The following PMS1 variants were observed in gnomAD, a reference collection of about 807,000 sequenced individuals.
PMS1 encodes the protein PMS1 homolog 1, mismatch repair system component.
Under a neutral mutation model 93.1 loss-of-function variants are expected in PMS1, and 79 were observed. The observed-to-expected ratio is 0.85, with a 90% CI of 0.71 to 1.02. The LOEUF (loss-of-function observed/expected upper bound fraction) is 1.02, where lower values mean the gene tolerates loss of function less well. Ranked by LOEUF, PMS1 falls within the 50% of genes least tolerant of loss-of-function variation. The probability of loss-of-function intolerance (pLI) is 0.00; values close to 1 mark genes in which losing one functional copy is unlikely to be tolerated. For synonymous variants in PMS1, 335 were observed against 363.4 expected (o/e 0.92, Z 0.89); for missense variants, 1,064 against 1,085.3 (o/e 0.98, Z 0.28).
At chr2:189,851,059 G>C (rs1251440368) in intron 6 of PMS1, among the ~76,000 whole-genome samples, 1 of 152,078 alleles carries the variant, frequency 6.6e-6, no homozygotes, top group Non-Finnish European at 1.5e-5. Context: ...GCACTGATTT[G>C]GTGTCTCAAG....
chr2:189,835,822 G>C (rs1177323900), intron 5 of PMS1, among the ~76,000 whole-genome samples: 1 of 151,332 alleles, frequency 6.6e-6, no homozygotes, highest in Admixed American at 6.6e-5. Context: ...CAGCTAATCG[G>C]GAGGCTGAGG....
At chr2:189,806,415 T>C (rs558545667) in intron 4 of PMS1, 5 of 321,810 alleles carry the variant, frequency 1.6e-5, no homozygotes, top group African/African-American at 1.1e-4. Flanking sequence ...TTTATTTTCC[T>C]GAGACAGGGT....
At chr2:189,844,948 C>T (rs1011859111) in intron 6 of PMS1, among the ~76,000 whole-genome samples, 6 of 151,908 alleles carry the variant, frequency 3.9e-5, no homozygotes, top group African/African-American at 1.5e-4. Context: ...GCCTCCATCT[C>T]CTGGGTTCAA....
intron 1 of PMS1, among the ~76,000 whole-genome samples, chr2:189,790,674 G>A (rs918270329): frequency 1.3e-5 from 2 of 152,230 alleles, no homozygotes; most frequent in South Asian, 2.1e-4. Context: ...TATGTAAAGT[G>A]TTTAGCATAC....
At chr2:189,804,775 G>A (rs2050189554) in intron 3 of PMS1, among the ~76,000 whole-genome samples, 1 of 152,052 alleles carries the variant, frequency 6.6e-6, no homozygotes, top group Admixed American at 6.6e-5. Flanking sequence ...TCAGCTCTTC[G>A]TATAAAGATG....
chr2:189,790,794 T>G lies in PMS1; in HGVS notation c.-20-996T>G, dbSNP rs903753875. On this transcript the variant is annotated intron_variant, in intron 1 of 12. Coordinates refer to ENST00000441310, the MANE Select transcript of PMS1 (RefSeq NM_000534.5). Reference sequence around the variant, plus strand: ...GAGTCATTGAGGCTAATTAGGAAATTATATTGGGAACTAAATGTGAGAAAT... The same window carrying G: ...GAGTCATTGAGGCTAATTAGGAAATGATATTGGGAACTAAATGTGAGAAAT... 3.9e-4 allele frequency among the ~76,000 whole-genome samples: 60 copies of G among 152,150 alleles called. 1 individual carries two copies. Among genetic ancestry groups the G allele is most frequent in the Admixed American group, 1.6e-3 (24 of 15,282 alleles).
At chr2:189,875,560 GA>G (rs2057489562) in intron 12 of PMS1, among the ~76,000 whole-genome samples, 1 of 152,102 alleles carries the variant, frequency 6.6e-6, no homozygotes. Context: ...TGTAGTAGTG[GA>G]AAAGTAGGCA....
At chr2:189,876,312 G>A (rs755289862) in intron 12 of PMS1, among the ~76,000 whole-genome samples, 1 of 152,042 alleles carries the variant, frequency 6.6e-6, no homozygotes, top group Non-Finnish European at 1.5e-5. Context: ...TAATTAGAGA[G>A]GAATAAGAAG....
chr2:189,827,636 G>A (rs777793892), intron 5 of PMS1, among the ~76,000 whole-genome samples: 1 of 152,046 alleles, frequency 6.6e-6, no homozygotes, highest in Non-Finnish European at 1.5e-5. Flanking sequence ...TGTATCCACT[G>A]TATATACAAC....
At chr2:189,786,626 T>C (rs1007575610) in intron 1 of PMS1, among the ~76,000 whole-genome samples, 1 of 152,234 alleles carries the variant, frequency 6.6e-6, no homozygotes, top group Non-Finnish European at 1.5e-5. Flanking sequence ...CAAGTTACCA[T>C]GCCTTTAAAT....
intron 3 of PMS1, among the ~76,000 whole-genome samples, chr2:189,804,617 C>A (rs979360290): frequency 6.6e-6 from 1 of 152,120 alleles, no homozygotes; most frequent in Admixed American, 6.5e-5. Context: ...CAACATGTTC[C>A]ACAGAGCTGT....
At chr2:189,864,830 G>T (rs548698022) in intron 10 of PMS1, among the ~76,000 whole-genome samples, 236 of 146,248 alleles carry the variant, frequency 1.6e-3, no homozygotes, top group African/African-American at 5.8e-3. Flanking sequence ...TCATTTCTCT[G>T]GTACATTAGT....
At position 189,835,820 on chromosome 2, in the gene PMS1, C is replaced by T. The variant is rs948872070; in HGVS notation, c.583-8144C>T. On this transcript the variant is annotated intron_variant, in intron 5 of 12. Transcript: ENST00000441310. Reference sequence around the variant, plus strand: ...GTGTGCACCTGTAGTCCCAGCTAATCGGGAGGCTGAGGCAGGAGAATCCTT... The same window carrying T: ...GTGTGCACCTGTAGTCCCAGCTAATTGGGAGGCTGAGGCAGGAGAATCCTT... 6.7e-5 allele frequency among the ~76,000 whole-genome samples: 10 copies of T among 148,416 alleles called. No homozygotes were observed. In the South Asian group the frequency reaches 8.5e-4, roughly 13 times the overall value.
chr2:189,869,313 C>A (rs895237313), intron 11 of PMS1, among the ~76,000 whole-genome samples: 4 of 152,178 alleles, frequency 2.6e-5, no homozygotes, highest in Non-Finnish European at 4.4e-5. Context: ...CTTTTCTTAC[C>A]ATCCATTAGC....
At chr2:189,859,762 A>C (rs1227737867) in intron 9 of PMS1, among the ~76,000 whole-genome samples, 1 of 152,106 alleles carries the variant, frequency 6.6e-6, no homozygotes, top group Non-Finnish European at 1.5e-5. Flanking sequence ...GTTAAATTAG[A>C]TGGTTTGGGT....
chr2:189,810,489 G>T (rs2050743400), intron 4 of PMS1, among the ~76,000 whole-genome samples: 1 of 152,154 alleles, frequency 6.6e-6, no homozygotes, highest in Non-Finnish European at 1.5e-5. Flanking sequence ...AGCTTTTATG[G>T]TACAAGGAGA....
rs5743130 is a variant in PMS1 at position 189,852,902 on chromosome 2, T to C, written c.822+125T>C. 25,509 of 688,022 alleles carry C rather than the reference T, an allele frequency of 0.037. 838 individuals are homozygous for C. The highest frequency in any genetic ancestry group is 0.12 in the African/African-American group (6,377 of 55,360). The allele number at this position is 688,022 out of a possible 1,614,324, so 42.6% of individuals were successfully genotyped here. On this transcript the variant is annotated intron_variant, in intron 7 of 12. Transcript: ENST00000441310. Reference sequence around the variant, plus strand: ...ATACAATGTCATTTATTAAACATTATGCATGATAGAAAGACATATGATGTC... The same window carrying C: ...ATACAATGTCATTTATTAAACATTACGCATGATAGAAAGACATATGATGTC...
chr2:189,824,519 G>A (rs374133462), intron 5 of PMS1, among the ~76,000 whole-genome samples: 1 of 151,922 alleles, frequency 6.6e-6, no homozygotes, highest in Non-Finnish European at 1.5e-5. Flanking sequence ...AAAGAAATTG[G>A]AAAGCAGTAT....
At chr2:189,844,172 A>G (rs900134335) in intron 6 of PMS1, 92 bp downstream of exon 6, 2 of 1,590,694 alleles carry the variant, frequency 1.3e-6, no homozygotes, top group Non-Finnish European at 1.7e-6. Flanking sequence ...GCAAGAGGTT[A>G]GTCTTTTAAT....
Sources: allele counts gnomAD v4.1 joint callset (sites outside exome capture counted in the v4.1 genomes callset), GRCh38; gene constraint gnomAD v4.1.1; transcripts MANE v1.5; gene names NCBI Gene and HGNC (gene_info 2026-07-23, HGNC 2026-07-21).